Variants in TBX1 observed in about 807,000 individuals in gnomAD.
TBX1 encodes the protein T-box transcription factor 1, also known as T-box transcription factor TBX1.
In TBX1, 16 loss-of-function variants were observed where a neutral mutation model predicts 40.8. That is an observed-to-expected ratio of 0.39 (90% CI 0.27 to 0.60). The LOEUF is 0.60. TBX1 is among the 20% of genes least tolerant of loss of function. The pLI is 0.51. For missense variants in TBX1, 755 were observed against 728.5 expected (o/e 1.04, Z -0.42); for synonymous variants, 403 against 336.8 (o/e 1.20, Z -2.15).
At chr22:19,759,549 T>C (rs1003208983), upstream of TBX1, 1 of 1,566,772 alleles carries the variant, frequency 6.4e-7, no homozygotes, top group Non-Finnish European at 8.6e-7. Context: ...ATCGCCTCTC[T>C]GGTTGCAGCG....
chr22:19,770,590 C>T (rs1220169108), downstream of TBX1, among the ~76,000 whole-genome samples: 1 of 152,206 alleles, frequency 6.6e-6, no homozygotes, highest in African/African-American at 2.4e-5. Flanking sequence ...GAAGACAAGA[C>T]CCTGGCCCGG....
Position 19,761,068 on chromosome 22 carries a change from G to C in TBX1, c.225G>C (p.Pro75=). The stretch of plus-strand genomic sequence containing the variant: ...CCGGCGCCCCGGGCCCGCCGCCGCC[G>C]CCGCACGCCTACCCGTTTGCGCCGG... ...AAPGAPGPPP[P]PHAYPFAPAA... Residue 75 remains proline (P), a synonymous_variant, in exon 1 of 7, where the codon CCG becomes CCC. Transcript: ENST00000649276. 8.6e-6 allele frequency: 8 copies of C among 933,000 alleles called. No homozygotes were observed. Among genetic ancestry groups the C allele is most frequent in the Non-Finnish European group, 1.0e-5 (8 of 778,950 alleles). 57.8% of individuals were successfully genotyped at this position (933,000 alleles called of 1,614,324 possible). A position where few individuals can be genotyped will look rare whatever the true frequency, so the allele number is the denominator to read the frequency against.
downstream of TBX1, among the ~76,000 whole-genome samples, chr22:19,771,378 G>C (rs1936987391): frequency 6.6e-6 from 1 of 152,194 alleles, no homozygotes; most frequent in Non-Finnish European, 1.5e-5. Context: ...AACCAGATGG[G>C]CTCCTCAGAT....
chr22:19,761,526 C>T (rs1936663181), intron 1 of TBX1, among the ~76,000 whole-genome samples: 1 of 151,674 alleles, frequency 6.6e-6, no homozygotes. Flanking sequence ...GCGGGCCGCA[C>T]GGGAACGGCG....
intron 6 of TBX1, 189 bp from the exon 7 acceptor site, chr22:19,766,200 G>A (rs1248238637): frequency 2.3e-5 from 21 of 908,178 alleles, no homozygotes; most frequent in Non-Finnish European, 2.7e-5. Context: ...GCCGCCGCCC[G>A]CAGAGGGGCG....
chr22:19,767,009 A>G lies in TBX1; in HGVS notation c.*142A>G. 1 of 1,370,816 alleles carries G rather than the reference A, an allele frequency of 7.3e-7. No individual in the cohort carries two copies. Among genetic ancestry groups the G allele is most frequent in the Non-Finnish European group, 9.4e-7 (1 of 1,063,720 alleles). 84.9% of individuals were successfully genotyped at this position (1,370,816 alleles called of 1,614,324 possible). A position where few individuals can be genotyped will look rare whatever the true frequency, so the allele number is the denominator to read the frequency against. ...CGGCTCTCCCCTTCCCCAGCCTCGA[A>G]GCCATGGGGGCCCCCTCGCCACCCC... On this transcript the variant is annotated 3_prime_UTR_variant, in exon 7 of 7. Coordinates refer to ENST00000649276, the MANE Select transcript of TBX1 (RefSeq NM_001379200.1).
chr22:19,773,877 C>T (rs566492651), intron 8 of TBX1, among the ~76,000 whole-genome samples: 6 of 152,352 alleles, frequency 3.9e-5, no homozygotes, highest in East Asian at 1.9e-4. Context: ...CCTCAGCCGC[C>T]GAGTTTCCCT....
intron 8 of TBX1, among the ~76,000 whole-genome samples, chr22:19,776,077 G>A (rs1937060439): frequency 6.6e-6 from 1 of 152,160 alleles, no homozygotes; most frequent in African/African-American, 2.4e-5. Context: ...GGGCACAGGT[G>A]GGAGGGAGTT....
chr22:19,766,089 C>T, intron 6 of TBX1, 87 bp downstream of exon 6: 1 of 1,178,072 alleles, frequency 8.5e-7, no homozygotes, highest in Non-Finnish European at 1.1e-6. Flanking sequence ...GCCTGCGCCC[C>T]CGGGGCGCTC....
intron 8 of TBX1, among the ~76,000 whole-genome samples, chr22:19,777,653 T>C (rs1937086895): frequency 1.3e-5 from 2 of 152,162 alleles, no homozygotes; most frequent in Admixed American, 1.3e-4. Flanking sequence ...TTTTGACCCA[T>C]TCTGGGTATC....
At chr22:19,779,621 C>T, downstream of TBX1, 1 of 1,133,280 alleles carries the variant, frequency 8.8e-7, no homozygotes, top group East Asian at 2.8e-5. Context: ...TTTCTCCTGA[C>T]ATTTAAACAT....
At chr22:19,783,571 AAAC>A (rs969131744), downstream of TBX1, 4 of 111,594 alleles carry the variant, frequency 3.6e-5, no homozygotes, top group African/African-American at 1.4e-4. Context: ...TTAAAAGAAA[AAAC>A]AAACAAACAA....
At chr22:19,762,235 G>A (rs937117357) in intron 1 of TBX1, among the ~76,000 whole-genome samples, 2 of 152,230 alleles carry the variant, frequency 1.3e-5, no homozygotes, top group African/African-American at 4.8e-5. Context: ...GGGCCTTGTC[G>A]GCGCTGGGCT....
rs190302733 is a variant in TBX1 at position 19,765,087 on chromosome 22, G to T, written c.841G>T (p.Ala281Ser). The change falls in exon 4 of 7, where the codon GCG (alanine) becomes TCG (serine). Residue 281 changes from alanine (A) to serine (S), a missense_variant. By Grantham distance (99) the Ala-to-Ser change is moderately conservative. This residue lies in a region of TBX1 where 144 missense variants were observed against 238.0 expected (regional missense o/e 0.61). Transcript: ENST00000649276. ...TFVFEETRFT[A>S]VTAYQNHRIT... ...TGTGTTCGAGGAGACACGATTCACC[G>T]CGGTCACTGCCTACCAGAACCATCG... 1 of 1,614,192 alleles carries T rather than the reference G, an allele frequency of 6.2e-7. No homozygotes were observed. Among genetic ancestry groups the T allele is most frequent in the Non-Finnish European group, 8.5e-7 (1 of 1,180,034 alleles).
At chr22:19,778,201 C>A (rs1937096039) in intron 8 of TBX1, among the ~76,000 whole-genome samples, 1 of 151,968 alleles carries the variant, frequency 6.6e-6, no homozygotes, top group Non-Finnish European at 1.5e-5. Flanking sequence ...CTCAAGCAAA[C>A]CTTCCTCCTC....
exon 9 of TBX1, chr22:19,779,303 G>T (rs1404024218): frequency 1.9e-6 from 3 of 1,614,242 alleles, no homozygotes; most frequent in Non-Finnish European, 2.5e-6. Context: ...TCTGAGGGAT[G>T]CAGGTGGCTG....
chr22:19,761,666 G>GTAAATCCCACTCCTAGTAAATCCC (rs1936670996), intron 1 of TBX1, among the ~76,000 whole-genome samples: 2 of 152,208 alleles, frequency 1.3e-5, no homozygotes, highest in African/African-American at 4.8e-5. Context: ...CCGCCCGGCC[G>GTAAATCCCACTCCTAGTAAATCCC]ACTCCTAGTA....
chr22:19,765,343 C>T (rs981079626), intron 4 of TBX1, among the ~76,000 whole-genome samples: 1 of 152,136 alleles, frequency 6.6e-6, no homozygotes, highest in Admixed American at 6.5e-5. Flanking sequence ...GCAACTGTCA[C>T]TTCGTCCTGA....
upstream of TBX1, among the ~76,000 whole-genome samples, chr22:19,756,928 C>T (rs1385623781): frequency 3.3e-4 from 40 of 121,650 alleles, no homozygotes; most frequent in Non-Finnish European, 5.7e-4. Context: ...GGCGGGGCGG[C>T]GGAGCGCGGC....
Sources: allele counts gnomAD v4.1 joint callset (sites outside exome capture counted in the v4.1 genomes callset), GRCh38; gene constraint gnomAD v4.1.1; regional missense constraint gnomAD v4.1.1; transcripts MANE v1.5; gene names NCBI Gene and HGNC (gene_info 2026-07-23, HGNC 2026-07-21).